THSD7B: variants seen among roughly 807,000 people sequenced by gnomAD.
THSD7B encodes the protein thrombospondin type 1 domain containing 7B, also known as thrombospondin type-1 domain-containing protein 7B.
THSD7B carries 138 observed loss-of-function variants against 213.6 expected under a neutral mutation model. The ratio of observed to expected loss-of-function variants is 0.65; its 90% CI spans 0.56 to 0.74. The LOEUF (loss-of-function observed/expected upper bound fraction) is 0.74, where lower values mean the gene tolerates loss of function less well. THSD7B is among the 30% of genes least tolerant of loss of function. The pLI is 0.00. For missense variants in THSD7B, 1,931 were observed against 1,991.5 expected (o/e 0.97, Z 0.58); for synonymous variants, 742 against 687.0 (o/e 1.08, Z -1.25).
chr2:136,810,525 C>A (rs1388160556), intron 1 of THSD7B, among the ~76,000 whole-genome samples: 2 of 152,166 alleles, frequency 1.3e-5, no homozygotes, highest in Non-Finnish European at 2.9e-5. Context: ...AAAGATACAT[C>A]ATACATTCTG....
At chr2:137,440,693 T>C (rs1687389828) in intron 14 of THSD7B, among the ~76,000 whole-genome samples, 1 of 152,064 alleles carries the variant, frequency 6.6e-6, no homozygotes, top group African/African-American at 2.4e-5. Context: ...AATCTCCCAA[T>C]TTTGCACTCC....
chr2:137,050,796 A>C (rs1687058429), intron 2 of THSD7B, among the ~76,000 whole-genome samples: 1 of 152,146 alleles, frequency 6.6e-6, no homozygotes, highest in African/African-American at 2.4e-5. Flanking sequence ...TGTTGCAAAA[A>C]GTGCAAATGG....
intron 17 of THSD7B, among the ~76,000 whole-genome samples, chr2:137,583,378 G>C (rs369841178): frequency 6.6e-6 from 1 of 152,096 alleles, no homozygotes; most frequent in Non-Finnish European, 1.5e-5. Flanking sequence ...TTTTGTTGCC[G>C]TTGTTTTTGG....
chr2:137,157,524 A>G (rs1679932133), intron 5 of THSD7B, among the ~76,000 whole-genome samples: 1 of 152,152 alleles, frequency 6.6e-6, no homozygotes, highest in Admixed American at 6.6e-5. Flanking sequence ...GGAGCTACAC[A>G]CAACAAAGAG....
chr2:137,655,139 A>G (rs983434983), intron 21 of THSD7B, among the ~76,000 whole-genome samples: 1 of 152,230 alleles, frequency 6.6e-6, no homozygotes, highest in African/African-American at 2.4e-5. Context: ...AAAGAAATTT[A>G]TGCCCTGTAA....
intron 3 of THSD7B, among the ~76,000 whole-genome samples, chr2:137,061,580 G>T (rs1687273293): frequency 6.6e-6 from 1 of 150,880 alleles, no homozygotes; most frequent in African/African-American, 2.4e-5. Flanking sequence ...ATAATCATTA[G>T]ATTTTGTTAA....
At chr2:137,132,821 T>A (rs995072706) in intron 5 of THSD7B, among the ~76,000 whole-genome samples, 13 of 152,214 alleles carry the variant, frequency 8.5e-5, no homozygotes, top group Non-Finnish European at 1.6e-4. Flanking sequence ...TTTTCCCTTG[T>A]ATTCAACTGC....
chr2:136,958,920 A>G (rs1685170693), intron 2 of THSD7B, among the ~76,000 whole-genome samples: 1 of 152,170 alleles, frequency 6.6e-6, no homozygotes, highest in African/African-American at 2.4e-5. Flanking sequence ...CACTTCTTGG[A>G]CATAGAATGT....
At chr2:136,966,692 A>C (rs1685320410) in intron 2 of THSD7B, among the ~76,000 whole-genome samples, 1 of 152,104 alleles carries the variant, frequency 6.6e-6, no homozygotes, top group Non-Finnish European at 1.5e-5. Flanking sequence ...GCCGATGACA[A>C]AAATCTGGCA....
intron 1 of THSD7B, among the ~76,000 whole-genome samples, chr2:136,803,254 T>A (rs1428272313): frequency 6.6e-6 from 1 of 152,070 alleles, no homozygotes; most frequent in Non-Finnish European, 1.5e-5. Flanking sequence ...CTAAACATCA[T>A]GAAAAGATGG....
At chr2:137,029,866 A>T (rs1686630168) in intron 2 of THSD7B, among the ~76,000 whole-genome samples, 1 of 152,186 alleles carries the variant, frequency 6.6e-6, no homozygotes. Flanking sequence ...AGCCTTGGAA[A>T]TAATTAATTT....
At chr2:137,241,551 A>T (rs1681904027) in intron 9 of THSD7B, among the ~76,000 whole-genome samples, 1 of 152,186 alleles carries the variant, frequency 6.6e-6, no homozygotes, top group Non-Finnish European at 1.5e-5. Context: ...GCTGGTTAGT[A>T]TATTTGTTAT....
intron 15 of THSD7B, among the ~76,000 whole-genome samples, chr2:137,489,285 C>T (rs866184041): frequency 3.3e-5 from 5 of 151,838 alleles, no homozygotes; most frequent in Middle Eastern, 3.4e-3. Flanking sequence ...ATTAGCCGGG[C>T]GTGGTGGTGC....
At chr2:136,843,132 G>A (rs1382034481) in intron 1 of THSD7B, among the ~76,000 whole-genome samples, 5 of 144,900 alleles carry the variant, frequency 3.5e-5, no homozygotes, top group South Asian at 4.5e-4. Context: ...TTCCAAATAC[G>A]GCATTGCTTT....
chr2:136,793,472 G>A (rs1682003783), intron 1 of THSD7B, among the ~76,000 whole-genome samples: 1 of 151,946 alleles, frequency 6.6e-6, no homozygotes, highest in Non-Finnish European at 1.5e-5. Flanking sequence ...ATTTTTCCCA[G>A]TGTGTGGGGT....
chr2:137,171,988 G>A (rs1343423357), intron 7 of THSD7B, among the ~76,000 whole-genome samples: 1 of 152,162 alleles, frequency 6.6e-6, no homozygotes, highest in Non-Finnish European at 1.5e-5. Context: ...AAAACTAATA[G>A]CAACTCCTGT....
intron 2 of THSD7B, among the ~76,000 whole-genome samples, chr2:136,899,029 C>A (rs1684015687): frequency 6.6e-6 from 1 of 151,814 alleles, no homozygotes; most frequent in African/African-American, 2.4e-5. Flanking sequence ...ATTTTTCCAG[C>A]AAAAAGGAAA....
intron 1 of THSD7B, among the ~76,000 whole-genome samples, chr2:136,823,777 A>G (rs12619319): frequency 0.53 from 80,027 of 151,870 alleles, 21,584 homozygotes; most frequent in East Asian, 0.76. Context: ...GTATATACCA[A>G]AGGAATTTCT....
At chr2:136,993,185 A>G (rs1004597772) in intron 2 of THSD7B, among the ~76,000 whole-genome samples, 1 of 152,242 alleles carries the variant, frequency 6.6e-6, no homozygotes, top group African/African-American at 2.4e-5. Context: ...TTTTGGATGT[A>G]TATGAGAACA....
Sources: allele counts gnomAD v4.1 joint callset (sites outside exome capture counted in the v4.1 genomes callset), GRCh38; gene constraint gnomAD v4.1.1; transcripts MANE v1.5; gene names NCBI Gene and HGNC (gene_info 2026-07-23, HGNC 2026-07-21).